Variants in ADGRB3 observed in about 807,000 individuals in gnomAD.
The protein encoded by ADGRB3 is adhesion G protein-coupled receptor B3, also known as brain-specific angiogenesis inhibitor 3.
In ADGRB3, 37 loss-of-function variants were observed where a neutral mutation model predicts 193.4. That is an observed-to-expected ratio of 0.19 (90% CI 0.15 to 0.25). The LOEUF (loss-of-function observed/expected upper bound fraction) is 0.25. Ranked by LOEUF, ADGRB3 falls within the 10% of genes least tolerant of loss-of-function variation. The pLI, the probability that ADGRB3 is intolerant of heterozygous loss-of-function variation, is 1.00. For missense variants in ADGRB3, 1,637 were observed against 1,852.9 expected, an observed-to-expected ratio of 0.88 and a Z score of 2.14; for synonymous variants, 690 against 644.2, an observed-to-expected ratio of 1.07 and a Z score of -1.08.
intron 3 of ADGRB3, among the ~76,000 whole-genome samples, chr6:68,801,751 G>T (rs1166056094): frequency 6.6e-6 from 1 of 152,026 alleles, no homozygotes; most frequent in African/African-American, 2.4e-5. Context: ...GATACCAAGA[G>T]CTCAGTGCTC....
At chr6:69,168,874 C>A (rs1279814005) in intron 17 of ADGRB3, among the ~76,000 whole-genome samples, 2 of 152,112 alleles carry the variant, frequency 1.3e-5, no homozygotes, top group East Asian at 3.9e-4. Context: ...AGTTACACTA[C>A]AAACAAAATT....
chr6:68,753,437 T>G (rs1026626874), intron 3 of ADGRB3, among the ~76,000 whole-genome samples: 1 of 152,188 alleles, frequency 6.6e-6, no homozygotes, highest in Non-Finnish European at 1.5e-5. Context: ...CAAAGCAATT[T>G]GGAATTAGTC....
At chr6:69,065,762 TATACACAC>T (rs1267213726) in intron 16 of ADGRB3, among the ~76,000 whole-genome samples, 13 of 124,684 alleles carry the variant, frequency 1.0e-4, no homozygotes, top group African/African-American at 1.4e-4. Context: ...CATGTATATA[TATACACAC>T]ACACACACAC....
intron 4 of ADGRB3, among the ~76,000 whole-genome samples, chr6:68,931,040 AT>A (rs1291519866): frequency 1.3e-5 from 2 of 152,062 alleles, no homozygotes; most frequent in African/African-American, 4.8e-5. Context: ...AATGAAATTT[AT>A]TTTAACAATA....
chr6:69,141,210 G>A (rs1053915644), intron 17 of ADGRB3, among the ~76,000 whole-genome samples: 3 of 151,170 alleles, frequency 2.0e-5, no homozygotes, highest in Non-Finnish European at 4.4e-5. Context: ...TGCAAGCTCC[G>A]CCTCCTGGGT....
intron 15 of ADGRB3, among the ~76,000 whole-genome samples, chr6:69,053,944 A>G (rs1771471204): frequency 6.6e-6 from 1 of 152,224 alleles, no homozygotes. Context: ...TGTCTGATTC[A>G]TTTAATAAGT....
At chr6:69,044,338 A>G (rs1039398370) in intron 13 of ADGRB3, among the ~76,000 whole-genome samples, 1 of 152,144 alleles carries the variant, frequency 6.6e-6, no homozygotes, top group African/African-American at 2.4e-5. Context: ...TCCAGTTTGT[A>G]TGTGAACCAC....
At chr6:69,143,324 A>G (rs1774392594) in intron 17 of ADGRB3, among the ~76,000 whole-genome samples, 2 of 151,562 alleles carry the variant, frequency 1.3e-5, no homozygotes. Context: ...ATTTTCTCTC[A>G]TTCTTTGGGT....
At chr6:69,002,376 GC>G (rs1769606657) in intron 11 of ADGRB3, among the ~76,000 whole-genome samples, 1 of 151,906 alleles carries the variant, frequency 6.6e-6, no homozygotes, top group African/African-American at 2.4e-5. Context: ...ATACCACCAC[GC>G]CTGGCTAATT....
At chr6:68,724,251 C>T (rs1243214855) in intron 3 of ADGRB3, among the ~76,000 whole-genome samples, 1 of 151,552 alleles carries the variant, frequency 6.6e-6, no homozygotes, top group Non-Finnish European at 1.5e-5. Context: ...ATTAGAAGTC[C>T]TTTTAGCCAT....
At chr6:68,926,741 T>C (rs1208294784) in intron 3 of ADGRB3, among the ~76,000 whole-genome samples, 1 of 151,618 alleles carries the variant, frequency 6.6e-6, no homozygotes, top group East Asian at 1.9e-4. Flanking sequence ...AAGAAACGGA[T>C]ATGTGTTTGT....
At chr6:69,336,632 G>C (rs139204944) in intron 24 of ADGRB3, among the ~76,000 whole-genome samples, 1 of 151,940 alleles carries the variant, frequency 6.6e-6, no homozygotes, top group African/African-American at 2.4e-5. Flanking sequence ...ATGTGACTTT[G>C]CTTCTATAAT....
chr6:69,173,020 G>GTTTTTGTTTTT lies in ADGRB3; in HGVS notation c.2481-60270_2481-60269insTTTTTGTTTTT, dbSNP rs1561942029. On this transcript the variant is annotated intron_variant, in intron 17 of 31. Coordinates refer to ENST00000370598, the MANE Select transcript of ADGRB3 (RefSeq NM_001704.3). ...GGCCAGGAGAGTTGTGTGGGGTTTT[G>GTTTTTGTTTTT]GTTTTTGTTTTTGTTTTTGTTTTTG... 1.3e-3 allele frequency among the ~76,000 whole-genome samples: 134 copies of GTTTTTGTTTTT among 107,192 alleles called. 1 individual carries two copies. In the South Asian group the frequency reaches 0.022, roughly 17 times the overall value. The allele number at this position is 107,192 out of a possible 152,430, so 70.3% of individuals were successfully genotyped here.
At chr6:69,108,080 G>A (rs1773262964) in intron 17 of ADGRB3, among the ~76,000 whole-genome samples, 1 of 151,004 alleles carries the variant, frequency 6.6e-6, no homozygotes, top group Non-Finnish European at 1.5e-5. Flanking sequence ...GAAGAAGAAC[G>A]AACTCTCTTG....
In ADGRB3 at chr6:68,922,990, G is replaced by A. The variant is rs190028567; in HGVS notation, c.758-7569G>A. ...ACTGAAAATATTTTCCATGATCTTAGTTCATTTCTGAAAAATAAGCTAAAA... is the reference window on the plus strand; with the variant it reads ...ACTGAAAATATTTTCCATGATCTTAATTCATTTCTGAAAAATAAGCTAAAA... On this transcript the variant is annotated intron_variant, in intron 3 of 31. Transcript: ENST00000370598. 3.1e-3 allele frequency among the ~76,000 whole-genome samples: 471 copies of A among 152,148 alleles called. 2 individuals carry two copies. Among genetic ancestry groups the A allele is most frequent in the Middle Eastern group, 0.01 (3 of 294 alleles).
At chr6:69,227,337 T>C (rs746468705) in intron 17 of ADGRB3, among the ~76,000 whole-genome samples, 7 of 152,156 alleles carry the variant, frequency 4.6e-5, no homozygotes, top group Non-Finnish European at 7.4e-5. Context: ...GTAAGGACCA[T>C]TATAAGTAGA....
intron 17 of ADGRB3, among the ~76,000 whole-genome samples, chr6:69,103,989 T>G (rs964246752): frequency 6.6e-6 from 1 of 152,120 alleles, no homozygotes; most frequent in African/African-American, 2.4e-5. Context: ...TATTCTGAAG[T>G]TGGAATTTTT....
At chr6:68,803,673 T>TC (rs921764649) in intron 3 of ADGRB3, among the ~76,000 whole-genome samples, 25 of 152,328 alleles carry the variant, frequency 1.6e-4, no homozygotes, top group African/African-American at 6.0e-4. Flanking sequence ...CATAACATTT[T>TC]CCAATATTCC....
At chr6:69,151,473 G>A (rs1447322561) in intron 17 of ADGRB3, among the ~76,000 whole-genome samples, 1 of 152,168 alleles carries the variant, frequency 6.6e-6, no homozygotes, top group Admixed American at 6.5e-5. Context: ...TGGAGAATGG[G>A]GGAGAGTTGG....
Sources: allele counts gnomAD v4.1 joint callset (sites outside exome capture counted in the v4.1 genomes callset), GRCh38; gene constraint gnomAD v4.1.1; transcripts MANE v1.5; gene names NCBI Gene and HGNC (gene_info 2026-07-23, HGNC 2026-07-21).